Variants in ASIC2 observed in about 807,000 individuals in gnomAD.
ASIC2 encodes acid-sensing ion channel 2.
In ASIC2, 25 loss-of-function variants were observed where a neutral mutation model predicts 57.3. The observed-to-expected ratio is 0.44, with a 90% confidence interval of 0.32 to 0.61. ASIC2 has a LOEUF of 0.61. Ranked by LOEUF, ASIC2 falls within the 20% of genes least tolerant of loss-of-function variation. The pLI, the probability that ASIC2 is intolerant of heterozygous loss-of-function variation, is 0.06. For synonymous variants in ASIC2, 319 were observed against 307.5 expected, an observed-to-expected ratio of 1.04 and a Z score of -0.39; for missense variants, 641 against 738.1, an observed-to-expected ratio of 0.87 and a Z score of 1.52.
At chr17:33,831,550 A>G (rs1221841941) in intron 1 of ASIC2, among the ~76,000 whole-genome samples, 2 of 151,430 alleles carry the variant, frequency 1.3e-5, no homozygotes, top group African/African-American at 4.9e-5. Context: ...TAAAGTTATT[A>G]TTACTTTCTT....
intron 1 of ASIC2, among the ~76,000 whole-genome samples, chr17:33,877,958 G>A (rs1025529640): frequency 2.0e-4 from 30 of 152,284 alleles, no homozygotes; most frequent in Admixed American, 1.2e-3. Flanking sequence ...AACAATATCC[G>A]CTGTTCTGCA....
rs148131629 is a variant in ASIC2 at position 33,718,570 on chromosome 17, A to T, written c.555+437408T>A. ...TGCTCCACTCCCACATGGTGCAGAG[A>T]TGGAGGACAGGGGTGACTTAGATTA... is the stretch of plus-strand genomic sequence containing the variant. On this transcript the variant is annotated intron_variant, in intron 1 of 9. Transcript: ENST00000359872. Among the ~76,000 whole-genome samples, 4 of 152,296 alleles carry T rather than the reference A, an allele frequency of 2.6e-5. No homozygotes were observed. In the East Asian group the frequency reaches 7.7e-4, roughly 29 times the overall value.
intron 1 of ASIC2, among the ~76,000 whole-genome samples, chr17:33,788,901 G>A (rs551372331): frequency 5.9e-5 from 9 of 152,120 alleles, no homozygotes; most frequent in Admixed American, 2.6e-4. Context: ...GGGCCTGTTG[G>A]GGGGGTTGGG....
chr17:34,127,100 G>A (rs1439898644), intron 1 of ASIC2, among the ~76,000 whole-genome samples: 1 of 152,246 alleles, frequency 6.6e-6, no homozygotes, highest in Non-Finnish European at 1.5e-5. Flanking sequence ...AGAATCCACA[G>A]CTGCAGGTAA....
At chr17:33,158,377 A>G (rs559696275) in intron 1 of ASIC2, among the ~76,000 whole-genome samples, 325 of 152,308 alleles carry the variant, frequency 2.1e-3, no homozygotes, top group Non-Finnish European at 3.7e-3. Context: ...CTTGGGAGAC[A>G]AGGTTGGGGA....
intron 1 of ASIC2, chr17:33,955,452 G>C (rs1904704595): frequency 6.6e-6 from 1 of 152,230 alleles, no homozygotes; most frequent in Non-Finnish European, 1.5e-5. Flanking sequence ...CTTGCTTCCT[G>C]GTGGCTTCCT....
chr17:34,140,264 G>T (rs562481249), intron 1 of ASIC2, among the ~76,000 whole-genome samples: 2 of 152,288 alleles, frequency 1.3e-5, no homozygotes, highest in Admixed American at 1.3e-4. Context: ...CACGACACAG[G>T]TTTCCTACTG....
At chr17:34,095,619 A>AAT in intron 1 of ASIC2, among the ~76,000 whole-genome samples, 5 of 79,948 alleles carry the variant, frequency 6.3e-5, no homozygotes, top group Admixed American at 4.1e-4. Context: ...ATATATATAT[A>AAT]TATATATATA....
chr17:33,519,313 A>T (rs1289731832), intron 1 of ASIC2, among the ~76,000 whole-genome samples: 1 of 152,162 alleles, frequency 6.6e-6, no homozygotes, highest in Non-Finnish European at 1.5e-5. Context: ...TGAGGGAGGA[A>T]TGCTGGAAGC....
intron 1 of ASIC2, among the ~76,000 whole-genome samples, chr17:33,972,241 C>T (rs1196862865): frequency 6.6e-6 from 1 of 152,074 alleles, no homozygotes; most frequent in Non-Finnish European, 1.5e-5. Context: ...GTATGAATCC[C>T]CCAAAGGTCC....
At chr17:33,233,652 T>C (rs1597643016) in intron 1 of ASIC2, among the ~76,000 whole-genome samples, 1 of 150,472 alleles carries the variant, frequency 6.6e-6, no homozygotes, top group African/African-American at 2.5e-5. Context: ...TCAGGCTGGG[T>C]GGATGTAGGC....
chr17:33,883,081 G>A (rs1914742960), intron 1 of ASIC2, among the ~76,000 whole-genome samples: 1 of 152,192 alleles, frequency 6.6e-6, no homozygotes, highest in Non-Finnish European at 1.5e-5. Flanking sequence ...GACACAGGAA[G>A]GGGAACATGT....
intron 1 of ASIC2, among the ~76,000 whole-genome samples, chr17:33,405,382 C>T (rs942074335): frequency 2.0e-5 from 3 of 152,112 alleles, no homozygotes; most frequent in Non-Finnish European, 4.4e-5. Context: ...ATTATTGATG[C>T]TCTGGCATTT....
chr17:33,150,990 A>G (rs915390793), intron 1 of ASIC2, among the ~76,000 whole-genome samples: 9 of 152,016 alleles, frequency 5.9e-5, no homozygotes, highest in Admixed American at 3.9e-4. Context: ...AGATAGCACC[A>G]CTGCACTCTA....
At chr17:33,452,214 G>A (rs1229804927) in intron 1 of ASIC2, among the ~76,000 whole-genome samples, 1 of 152,242 alleles carries the variant, frequency 6.6e-6, no homozygotes, top group African/African-American at 2.4e-5. Context: ...ACTAAAGGAA[G>A]GAACCTAAAC....
intron 1 of ASIC2, among the ~76,000 whole-genome samples, chr17:33,324,115 G>A (rs1045717089): frequency 2.6e-5 from 4 of 152,132 alleles, no homozygotes; most frequent in African/African-American, 9.7e-5. Context: ...GGTGAACTGG[G>A]TCCTCCTGTG....
intron 1 of ASIC2, among the ~76,000 whole-genome samples, chr17:33,559,990 G>A (rs184634582): frequency 6.6e-6 from 1 of 152,162 alleles, no homozygotes; most frequent in Non-Finnish European, 1.5e-5. Flanking sequence ...TTACTCAAAG[G>A]CCTCATGTGC....
At chr17:33,819,551 T>A (rs1367072023) in intron 1 of ASIC2, among the ~76,000 whole-genome samples, 1 of 152,212 alleles carries the variant, frequency 6.6e-6, no homozygotes, top group Non-Finnish European at 1.5e-5. Context: ...ACTCTAGAAT[T>A]AAGTCTTCTT....
At chr17:33,630,302 G>A (rs1202311631) in intron 1 of ASIC2, among the ~76,000 whole-genome samples, 1 of 152,108 alleles carries the variant, frequency 6.6e-6, no homozygotes, top group Non-Finnish European at 1.5e-5. Flanking sequence ...TGCCGCTTCT[G>A]TAGGTCCTGG....
Sources: gnomAD v4.1 joint callset for allele counts (sites outside exome capture counted in the v4.1 genomes callset) on GRCh38, gnomAD v4.1.1 for gene constraint, MANE v1.5 for transcripts, NCBI Gene and HGNC (gene_info 2026-07-23, HGNC 2026-07-21) for gene names.